The following COL4A5 variants were observed in gnomAD, a reference collection of about 807,000 sequenced individuals.
COL4A5 encodes the protein collagen type IV alpha 5 chain, also known as collagen alpha-5(IV) chain.
Under a neutral mutation model 130.2 loss-of-function variants are expected in COL4A5, and 26 were observed. That is an observed-to-expected ratio of 0.20 (90% CI 0.15 to 0.28). The LOEUF (loss-of-function observed/expected upper bound fraction) is 0.28. Ranked by LOEUF, COL4A5 falls within the 10% of genes least tolerant of loss-of-function variation. The pLI is 1.00. For synonymous variants in COL4A5, 496 were observed against 439.6 expected (o/e 1.13, Z -1.60); for missense variants, 1,131 against 1,344.3 (o/e 0.84, Z 2.48).
At chrX:108,649,735 C>G (rs982784348) in intron 36 of COL4A5, among the ~76,000 whole-genome samples, 1 of 111,429 alleles carries the variant, frequency 9.0e-6, no homozygotes, top group African/African-American at 3.3e-5. Flanking sequence ...ATTCTCATCT[C>G]TCACCTTATA....
At chrX:108,571,337 A>C in intron 6 of COL4A5, 76 bp from the exon 7 acceptor site, 4 of 793,206 alleles carry the variant, frequency 5.0e-6, no homozygotes, top group Non-Finnish European at 7.6e-6. Flanking sequence ...AAATCTTTTC[A>C]AGAAGTCATA....
At chrX:108,483,398 T>C (rs1479781935) in intron 1 of COL4A5, among the ~76,000 whole-genome samples, 2 of 111,586 alleles carry the variant, frequency 1.8e-5, no homozygotes, top group African/African-American at 6.5e-5. Flanking sequence ...GCATCCAGGA[T>C]AGGAGAAAGG....
At chrX:108,521,213 A>G (rs770185865) in intron 1 of COL4A5, among the ~76,000 whole-genome samples, 28 of 111,489 alleles carry the variant, frequency 2.5e-4, no homozygotes, top group African/African-American at 8.8e-4. Context: ...AAAGTCTTTC[A>G]TAGCTGTTCA....
At chrX:108,464,001 G>A (rs1244548778) in intron 1 of COL4A5, among the ~76,000 whole-genome samples, 1 of 111,843 alleles carries the variant, frequency 8.9e-6, no homozygotes, top group Non-Finnish European at 1.9e-5. Flanking sequence ...TAGAGTATGG[G>A]CATGGATGTC....
chrX:108,452,432 C>T (rs1603245361), intron 1 of COL4A5, among the ~76,000 whole-genome samples: 3 of 111,961 alleles, frequency 2.7e-5, no homozygotes. Context: ...GCCATTTTCA[C>T]GATATTGATT....
intron 2 of COL4A5, among the ~76,000 whole-genome samples, chrX:108,548,836 G>C (rs2065707570): frequency 9.0e-6 from 1 of 110,838 alleles, no homozygotes; most frequent in Admixed American, 9.6e-5. Flanking sequence ...CATCGTTAGA[G>C]AGCTAAAAAA....
At chrX:108,596,703 T>C (rs2066521742) in intron 22 of COL4A5, among the ~76,000 whole-genome samples, 1 of 112,126 alleles carries the variant, frequency 8.9e-6, no homozygotes, top group South Asian at 3.7e-4. Flanking sequence ...ACGTTGTGCA[T>C]AGTATTTGGC....
Position 108,601,454 on chromosome X carries a change from C to T in COL4A5, c.2010C>T (p.Asn670=), listed in dbSNP as rs865823713. 5 of 1,204,472 alleles carry T rather than the reference C, an allele frequency of 4.2e-6. No homozygotes were observed. Among genetic ancestry groups the T allele is most frequent in the Admixed American group, 4.4e-5 (2 of 45,844 alleles). ...CGGGGAAGCCTGGCTTGCCTGGTAA[C>T]CCAGGCAGAGATGGTGATGTAGGTC... The part of the protein sequence containing the change: ...TQPGKPGLPG[N]PGRDGDVGLP... Residue 670 remains asparagine (N), a synonymous_variant, in exon 26 of 53, where the codon AAC becomes AAT. Coordinates refer to ENST00000328300, the MANE Select transcript of COL4A5 (RefSeq NM_033380.3).
chrX:108,610,389 C>A (rs1698897926), intron 29 of COL4A5, among the ~76,000 whole-genome samples: 1 of 111,175 alleles, frequency 9.0e-6, no homozygotes, highest in Admixed American at 9.6e-5. Flanking sequence ...GCAAAAGCCC[C>A]AGACTAGCTC....
chrX:108,553,611 T>G (rs998643539), intron 2 of COL4A5, among the ~76,000 whole-genome samples: 2 of 111,706 alleles, frequency 1.8e-5, no homozygotes, highest in Non-Finnish European at 3.8e-5. Context: ...GATGAGAATG[T>G]GGAAGCAACT....
At chrX:108,648,739 C>G (rs1009232644) in intron 36 of COL4A5, among the ~76,000 whole-genome samples, 2 of 111,441 alleles carry the variant, frequency 1.8e-5, no homozygotes, top group Non-Finnish European at 3.8e-5. Context: ...AGGGACATAC[C>G]TCAATGTAAT....
Position 108,687,597 on chromosome X carries a change from G to A in COL4A5, c.4431G>A (p.Thr1477=), listed in dbSNP as rs776106671. Residue 1477 remains threonine, a synonymous_variant, in exon 49 of 53, where the codon ACG becomes ACA. Coordinates refer to ENST00000328300, the MANE Select transcript of COL4A5 (RefSeq NM_033380.3). ...TTATTACACGCCACAGCCAGACAAC[G>A]GATGCACCACAATGCCCACAGGGAA... ...GFLITRHSQT[T]DAPQCPQGTL... 1.1e-5 allele frequency: 13 copies of A among 1,209,303 alleles called. No homozygotes were observed. Among genetic ancestry groups the A allele is most frequent in the African/African-American group, 8.8e-5 (5 of 57,029 alleles).
At position 108,687,617 on chromosome X, in the gene COL4A5, A is replaced by C. The variant is rs774242517; in HGVS notation, c.4451A>C (p.Gln1484Pro). The C allele has an allele frequency of 1.7e-6, 2 of 1,211,776 alleles. No individual in the cohort carries two copies. The highest frequency in any genetic ancestry group is 5.9e-5 in the East Asian group (2 of 33,829). ...ACAACGGATGCACCACAATGCCCAC[A>C]GGGAACACTTCAGGTCTATGAAGGC... ...SQTTDAPQCP[Q>P]GTLQVYEGFS... The change falls in exon 49 of 53, where the codon CAG becomes CCG. Residue 1484 changes from glutamine (Q) to proline (P), a missense_variant. By Grantham distance (76) the Gln-to-Pro change is moderately conservative. Coordinates refer to ENST00000328300, the MANE Select transcript of COL4A5 (RefSeq NM_033380.3).
chrX:108,598,741 A>G lies in COL4A5; in HGVS notation c.1819A>G (p.Asn607Asp). 8.3e-7 allele frequency: 1 copy of G among 1,209,423 alleles called. No homozygotes were observed. The change falls in exon 25 of 53, where the codon AAC becomes GAC. Residue 607 changes from asparagine (N) to aspartate (D), a missense_variant. Physicochemically the swap from Asn to Asp is conservative, Grantham distance 23 (BLOSUM62 1). Coordinates refer to ENST00000328300, the MANE Select transcript of COL4A5 (RefSeq NM_033380.3). ...TAAGGGTGAAAGAGGTCCCCCTGGG[A>G]ACCCAGGTTTACCAGGCCTCCCAGG... ...TFKGERGPPGNPGLPGLPGNI... is the reference protein window; with the variant it reads ...TFKGERGPPGDPGLPGLPGNI...
At chrX:108,523,847 C>T (rs2065287909) in intron 1 of COL4A5, among the ~76,000 whole-genome samples, 1 of 111,523 alleles carries the variant, frequency 9.0e-6, no homozygotes, top group African/African-American at 3.3e-5. Context: ...TTATCATTTT[C>T]ATGCAGTTGT....
chrX:108,580,432 G>C (rs763684623), intron 13 of COL4A5, 101 bp from the exon 14 acceptor site: 1 of 676,195 alleles, frequency 1.5e-6, no homozygotes, highest in Non-Finnish European at 2.4e-6. Context: ...ATGTAGCTGT[G>C]GTTCAGTTTA....
intron 25 of COL4A5, among the ~76,000 whole-genome samples, chrX:108,599,307 A>G (rs954053894): frequency 8.9e-6 from 1 of 111,744 alleles, no homozygotes; most frequent in East Asian, 2.8e-4. Context: ...TGACCTCTGT[A>G]TGCATTTTTA....
rs757522913 is a variant in COL4A5 at position 108,582,908 on chromosome X, C to T, written c.961C>T (p.Pro321Ser). 1 of 1,206,200 alleles carries T rather than the reference C, an allele frequency of 8.3e-7. No homozygotes were observed. Among genetic ancestry groups the T allele is most frequent in the South Asian group, 1.8e-5 (1 of 56,845 alleles). Residue 321 changes from proline to serine, a missense_variant, in exon 17 of 53, where the codon CCT becomes TCT. By Grantham distance (74) the Pro-to-Ser change is moderately conservative. Transcript: ENST00000328300. ...GGGTTTGCCTGGTGATCCTGGTTAC[C>T]CTGGTGAACCCGGAAGGGATGGTGA... Reference protein sequence around the residue: ...IPGLPGDPGYPGEPGRDGEKG... With the variant: ...IPGLPGDPGYSGEPGRDGEKG...
At chrX:108,455,085 C>A (rs2064571219) in intron 1 of COL4A5, among the ~76,000 whole-genome samples, 1 of 111,752 alleles carries the variant, frequency 8.9e-6, no homozygotes, top group African/African-American at 3.3e-5. Flanking sequence ...TCTTTGTAAT[C>A]CCTCCCTTCC....
Sources: gnomAD v4.1 joint callset for allele counts (sites outside exome capture counted in the v4.1 genomes callset) on GRCh38, gnomAD v4.1.1 for gene constraint, MANE v1.5 for transcripts, NCBI Gene and HGNC (gene_info 2026-07-23, HGNC 2026-07-21) for gene names.